RYR3: variants seen among roughly 807,000 people sequenced by gnomAD.
RYR3 encodes the protein brain ryanodine receptor-calcium release channel.
RYR3 carries 207 observed loss-of-function variants against 584.3 expected under a neutral mutation model. The ratio of observed to expected loss-of-function variants is 0.35; its 90% CI spans 0.32 to 0.40. The LOEUF is 0.40. Ranked by LOEUF, RYR3 falls within the 10% of genes least tolerant of loss-of-function variation. The pLI is 1.00. For missense variants in RYR3, 5,616 were observed against 6,089.2 expected, an observed-to-expected ratio of 0.92 and a Z score of 2.59; for synonymous variants, 2,416 against 2,248.5, an observed-to-expected ratio of 1.07 and a Z score of -2.11.
intron 73 of RYR3, 90 bp downstream of exon 73, chr15:33,813,084 G>A (rs927947874): frequency 1.4e-5 from 21 of 1,513,710 alleles, no homozygotes; most frequent in Admixed American, 5.6e-5. Context: ...AGGTACAAGT[G>A]CCCTCATAAG....
At chr15:33,788,178 A>G (rs2152912896) in intron 66 of RYR3, 40 bp from the exon 67 acceptor site, 5 of 1,611,186 alleles carry the variant, frequency 3.1e-6, no homozygotes, top group East Asian at 2.2e-5. Context: ...ATCAATTGCC[A>G]TAATACGTGA....
At position 33,731,591 on chromosome 15, in the gene RYR3, CTGAT is replaced by C; in HGVS notation, c.7327_7330del (p.Asp2443ProfsTer23). The C allele has an allele frequency of 1.2e-6, 2 of 1,613,870 alleles. No homozygotes were observed. The highest frequency in any genetic ancestry group is 1.7e-6 in the Non-Finnish European group (2 of 1,179,760). ...TGCCGGAACAGAACACTGCACCTCTCTGATTGATTCCACACTGCAGACAATATAC... is the reference window on the plus strand; with the variant it reads ...TGCCGGAACAGAACACTGCACCTCTCTGATTCCACACTGCAGACAATATAC... On this transcript the variant is annotated frameshift_variant, in exon 48 of 104. Transcript: ENST00000634891. LOFTEE classifies it high-confidence loss of function.
At chr15:33,551,976 C>T (rs1529845) in intron 10 of RYR3, among the ~76,000 whole-genome samples, 107,459 of 151,972 alleles carry the variant, frequency 0.71, 39,741 homozygotes, top group Middle Eastern at 0.86. Context: ...AATGACTCAT[C>T]GTGGCTAATG....
chr15:33,360,797 A>C (rs565311915), intron 1 of RYR3, among the ~76,000 whole-genome samples: 2 of 152,202 alleles, frequency 1.3e-5, no homozygotes, highest in South Asian at 2.1e-4. Flanking sequence ...TGCATCTTTC[A>C]TTGAAGGTAA....
chr15:33,397,322 C>T (rs1024526544), intron 1 of RYR3, among the ~76,000 whole-genome samples: 2 of 152,284 alleles, frequency 1.3e-5, no homozygotes, highest in African/African-American at 2.4e-5. Context: ...AAAGGTGATA[C>T]GGACACAAGC....
intron 10 of RYR3, among the ~76,000 whole-genome samples, chr15:33,555,160 A>G (rs1006878591): frequency 1.3e-5 from 2 of 152,316 alleles, no homozygotes; most frequent in Non-Finnish European, 2.9e-5. Context: ...TCTTGGCCAA[A>G]TGTGACTTCC....
At chr15:33,462,235 A>G (rs905918178) in intron 1 of RYR3, among the ~76,000 whole-genome samples, 1 of 152,172 alleles carries the variant, frequency 6.6e-6, no homozygotes, top group Admixed American at 6.5e-5. Context: ...TAGATTTTGT[A>G]TGGAAATTGC....
At chr15:33,636,640 G>A (rs977495008) in intron 27 of RYR3, 90 bp downstream of exon 27, 9 of 1,142,874 alleles carry the variant, frequency 7.9e-6, no homozygotes, top group East Asian at 7.1e-5. Flanking sequence ...TTCCTTATTC[G>A]GTCTACACTG....
Position 33,789,576 on chromosome 15 carries a change from A to G in RYR3, c.9830+1118A>G, listed in dbSNP as rs1443647839. ...TCACAACATCGTGAATGTACTAAAC[A>G]TCGCTGATTGCAAATTTTATGTTAT... On this transcript the variant is annotated intron_variant, in intron 67 of 103. Transcript: ENST00000634891. 3.1e-5 allele frequency among the ~76,000 whole-genome samples: 4 copies of G among 130,678 alleles called. No individual in the cohort carries two copies. In the East Asian group the frequency reaches 9.2e-4, roughly 30 times the overall value. 85.7% of individuals were successfully genotyped at this position (130,678 alleles called of 152,430 possible). A position where few individuals can be genotyped will look rare whatever the true frequency, so the allele number is the denominator to read the frequency against.
intron 16 of RYR3, among the ~76,000 whole-genome samples, chr15:33,588,968 T>C (rs2058993126): frequency 1.3e-5 from 2 of 152,234 alleles, no homozygotes; most frequent in Non-Finnish European, 2.9e-5. Flanking sequence ...TTTGGGTAGA[T>C]ACCCAGTAGT....
In RYR3 at chr15:33,756,388, A is replaced by C. The variant is rs2071828465; in HGVS notation, c.8583+15A>C. 3 of 1,545,034 alleles carry C rather than the reference A, an allele frequency of 1.9e-6. No homozygotes were observed. Among genetic ancestry groups the C allele is most frequent in the Middle Eastern group, 3.3e-4 (2 of 5,982 alleles). ...TCTTTGCCAAAGTAAGTGGCCCTGCACTTAATCAAATTACTTTCTTCTTAG... is the reference window on the plus strand; with the variant it reads ...TCTTTGCCAAAGTAAGTGGCCCTGCCCTTAATCAAATTACTTTCTTCTTAG... On this transcript the variant is annotated intron_variant, in intron 59 of 103. Coordinates refer to ENST00000634891, the MANE Select transcript of RYR3 (RefSeq NM_001036.6).
chr15:33,820,189 C>G (rs529172269), intron 77 of RYR3, among the ~76,000 whole-genome samples: 80 of 152,326 alleles, frequency 5.3e-4, no homozygotes, highest in African/African-American at 1.8e-3. Context: ...CTGGAAGAGG[C>G]AGTGTGACCA....
chr15:33,422,570 T>C (rs2044314488), intron 1 of RYR3, among the ~76,000 whole-genome samples: 1 of 152,102 alleles, frequency 6.6e-6, no homozygotes, highest in South Asian at 2.1e-4. Context: ...ATGGATTCAT[T>C]AGGCTAGATG....
At position 33,500,855 on chromosome 15, in the gene RYR3, C is replaced by G. The variant is rs191291304; in HGVS notation, c.172-2776C>G. ...TTTGGAGTTTAATTAAGGATGGCAG[C>G]TGGCATAGCAGGTCAGATGGCTCTG... On this transcript the variant is annotated intron_variant, in intron 2 of 103. Transcript: ENST00000634891. Among the ~76,000 whole-genome samples, 6 of 152,302 alleles carry G rather than the reference C, an allele frequency of 3.9e-5. No homozygotes were observed. The East Asian group carries it at 1.2e-3, about 29-fold the overall frequency.
At chr15:33,349,790 T>C (rs1972992096) in intron 1 of RYR3, among the ~76,000 whole-genome samples, 1 of 134,360 alleles carries the variant, frequency 7.4e-6, no homozygotes, top group Non-Finnish European at 1.5e-5. Context: ...TTCCCCTTCC[T>C]GTGTCCATGT....
At chr15:33,568,899 A>G (rs2057864574) in intron 12 of RYR3, among the ~76,000 whole-genome samples, 2 of 152,216 alleles carry the variant, frequency 1.3e-5, no homozygotes. Flanking sequence ...GTCTCAATTT[A>G]ATACATTAAA....
intron 59 of RYR3, among the ~76,000 whole-genome samples, chr15:33,756,635 G>A (rs1160286459): frequency 1.3e-5 from 2 of 152,134 alleles, no homozygotes; most frequent in African/African-American, 2.4e-5. Context: ...TGGCCTGTGT[G>A]CGTGGTTCAG....
rs1412373151 is a variant in RYR3 at position 33,731,489 on chromosome 15, A to G, written c.7219A>G (p.Thr2407Ala). 3 of 1,611,904 alleles carry G rather than the reference A, an allele frequency of 1.9e-6. No individual in the cohort carries two copies. Among genetic ancestry groups the G allele is most frequent in the Non-Finnish European group, 2.5e-6 (3 of 1,178,892 alleles). Residue 2407 changes from threonine (T) to alanine (A), a missense_variant, in exon 48 of 104, where the codon ACA becomes GCA. Thr to Ala is a moderately conservative substitution (Grantham distance 58). This residue lies in a region of RYR3 where 1,280 missense variants were observed against 1,426.2 expected (regional missense o/e 0.90). Coordinates refer to ENST00000634891, the MANE Select transcript of RYR3 (RefSeq NM_001036.6). ...ASLDTVSLST[T>A]EAALALNRYI... ...CTTTCTCTAGGTTTCCCTAAGCACC[A>G]CAGAGGCTGCGCTTGCACTAAATAG...
chr15:33,367,093 C>T (rs1342324881), intron 1 of RYR3, among the ~76,000 whole-genome samples: 1 of 152,192 alleles, frequency 6.6e-6, no homozygotes, highest in Non-Finnish European at 1.5e-5. Context: ...AAACAAATTA[C>T]AAAGCCTATT....
Sources: allele counts gnomAD v4.1 joint callset (sites outside exome capture counted in the v4.1 genomes callset), GRCh38; gene constraint gnomAD v4.1.1; regional missense constraint gnomAD v4.1.1; transcripts MANE v1.5; gene names NCBI Gene and HGNC (gene_info 2026-07-23, HGNC 2026-07-21).